YY1: variants seen among roughly 807,000 people sequenced by gnomAD.
YY1 encodes transcriptional repressor protein YY1.
In YY1, 2 loss-of-function variants were observed where a neutral mutation model predicts 35.6. The ratio of observed to expected loss-of-function variants is 0.06; its 90% CI spans 0.02 to 0.18. The LOEUF is 0.18. Ranked by LOEUF, YY1 falls within the 10% of genes least tolerant of loss-of-function variation. YY1 has a pLI of 1.00. For missense variants in YY1, 322 were observed against 573.4 expected, an observed-to-expected ratio of 0.56 and a Z score of 4.48; for synonymous variants, 268 against 238.9, an observed-to-expected ratio of 1.12 and a Z score of -1.12.
In YY1 at chr14:100,277,689, T is replaced by G; in HGVS notation, c.*89T>G. On this transcript the variant is annotated 3_prime_UTR_variant, in exon 5 of 5. Transcript: ENST00000262238. This position sits in a 1 kb window ranked among gnomAD's most constrained non-coding sequence, Gnocchi z 5.6. Reference sequence around the variant, plus strand: ...ATATGCCTCTCCTTTGTATATTATTTCTAGGAAGAATTTTAAAAATGAATC... The same window carrying G: ...ATATGCCTCTCCTTTGTATATTATTGCTAGGAAGAATTTTAAAAATGAATC... The G allele has an allele frequency of 7.1e-7, 1 of 1,402,230 alleles. No homozygotes were observed. Among genetic ancestry groups the G allele is most frequent in the Non-Finnish European group, 9.9e-7 (1 of 1,010,062 alleles). The allele number at this position is 1,402,230 out of a possible 1,614,324, so 86.9% of individuals were successfully genotyped here.
chr14:100,248,112 T>TTTCTTTTTC (rs1352283349), intron 1 of YY1, among the ~76,000 whole-genome samples: 56 of 93,676 alleles, frequency 6.0e-4, no homozygotes, highest in African/African-American at 2.9e-3. Context: ...GCCCGGCTAA[T>TTTCTTTTTC]TTTTTTTTCT....
At position 100,246,449 on chromosome 14, in the gene YY1, C is replaced by T. The variant is rs377108371; in HGVS notation, c.679+6526C>T. 6.6e-5 allele frequency among the ~76,000 whole-genome samples: 10 copies of T among 152,320 alleles called. No individual in the cohort carries two copies. In the East Asian group the frequency reaches 1.7e-3, roughly 26 times the overall value. ...TGGCCTCATGCTCCGGGTAGAGAAC[C>T]CTTGTTTGGACCTTGTGGGGATGTG... On this transcript the variant is annotated intron_variant, in intron 1 of 4. Transcript: ENST00000262238.
intron 2 of YY1, among the ~76,000 whole-genome samples, chr14:100,267,373 A>T (rs1891170572): frequency 6.6e-6 from 1 of 152,234 alleles, no homozygotes; most frequent in Admixed American, 6.5e-5. Flanking sequence ...GAATGTAAAT[A>T]GCATTTCTTT....
At chr14:100,273,874 A>G (rs967797563) in intron 2 of YY1, among the ~76,000 whole-genome samples, 6 of 152,144 alleles carry the variant, frequency 3.9e-5, no homozygotes, top group Admixed American at 1.3e-4. Context: ...TTCAGTGGAG[A>G]AGCAGGTAGG....
intron 2 of YY1, among the ~76,000 whole-genome samples, chr14:100,270,609 T>C (rs1891223760): frequency 6.6e-6 from 1 of 150,924 alleles, no homozygotes; most frequent in Non-Finnish European, 1.5e-5. Context: ...GGCAAAAGAG[T>C]GAAACTCCAT....
rs1891326525 is a variant in YY1, at chr14:100,276,836, A to G, written c.1062+188A>G. ...GCCGGGGCTCTGGACATCCTTGTCTATACTCTGTGGTACTGGGTACGCAAT... is the reference window on the plus strand; with the variant it reads ...GCCGGGGCTCTGGACATCCTTGTCTGTACTCTGTGGTACTGGGTACGCAAT... On this transcript the variant is annotated intron_variant, in intron 4 of 4. Coordinates refer to ENST00000262238, the MANE Select transcript of YY1 (RefSeq NM_003403.5). The surrounding 1 kb of genome is among the most constrained non-coding windows in gnomAD (Gnocchi z 4.1). 1 of 736,246 alleles carries G rather than the reference A, an allele frequency of 1.4e-6. No homozygotes were observed. The highest frequency in any genetic ancestry group is 2.3e-6 in the Non-Finnish European group (1 of 444,440). 45.6% of individuals were successfully genotyped at this position (736,246 alleles called of 1,614,324 possible). A position where few individuals can be genotyped will look rare whatever the true frequency, so the allele number is the denominator to read the frequency against.
In YY1 at chr14:100,239,583, G is replaced by GGGC. The variant is rs780589022; in HGVS notation, c.344_346dup (p.Gly115dup). 6.2e-7 allele frequency: 1 copy of GGGC among 1,612,672 alleles called. No homozygotes were observed. Among genetic ancestry groups the GGGC allele is most frequent in the Admixed American group, 1.7e-5 (1 of 59,992 alleles). On this transcript the variant is annotated inframe_insertion, in exon 1 of 5. Transcript: ENST00000262238. ...TGGTGCAGACGCGCGAGGAGGTGGTGGGCGGCGACGACTCGGACGGGCTGC... is the reference window on the plus strand; with the variant it reads ...TGGTGCAGACGCGCGAGGAGGTGGTGGGCGGCGGCGACGACTCGGACGGGCTGC...
chr14:100,270,490 G>A (rs1429568300), intron 2 of YY1, among the ~76,000 whole-genome samples: 3 of 149,916 alleles, frequency 2.0e-5, no homozygotes, highest in East Asian at 3.9e-4. Flanking sequence ...AGGCATGGTG[G>A]CACGCGCCTG....
intron 1 of YY1, 23 bp downstream of exon 1, chr14:100,239,946 G>A: frequency 6.6e-7 from 1 of 1,511,450 alleles, no homozygotes; most frequent in Non-Finnish European, 8.8e-7. Flanking sequence ...CGCGCGCCCC[G>A]GCCCCGGGAT....
intron 1 of YY1, among the ~76,000 whole-genome samples, chr14:100,246,730 C>T (rs750214275): frequency 1.3e-4 from 20 of 152,094 alleles, no homozygotes; most frequent in Non-Finnish European, 2.5e-4. Context: ...TAGTCATGAC[C>T]GTTTGCCATT....
chr14:100,271,849 G>T (rs1891243057), intron 2 of YY1, among the ~76,000 whole-genome samples: 1 of 151,948 alleles, frequency 6.6e-6, no homozygotes, highest in Non-Finnish European at 1.5e-5. Flanking sequence ...TTGCTTTCTT[G>T]CCCAGGCTGT....
Position 100,276,769 on chromosome 14 carries a change from G to T in YY1, c.1062+121G>T. ...AGACTCAGGGTCTTATTACTCCTTG[G>T]TGAGAAACAAAACTTCTCCTGGGGA... is the stretch of plus-strand genomic sequence containing the variant. On this transcript the variant is annotated intron_variant, in intron 4 of 4. Transcript: ENST00000262238. The surrounding 1 kb of genome is among the most constrained non-coding windows in gnomAD (Gnocchi z 4.1). The T allele has an allele frequency of 6.7e-7, 1 of 1,483,508 alleles. No homozygotes were observed. The highest frequency in any genetic ancestry group is 9.2e-7 in the Non-Finnish European group (1 of 1,082,290). The allele number at this position is 1,483,508 out of a possible 1,614,324, so 91.9% of individuals were successfully genotyped here.
intron 1 of YY1, among the ~76,000 whole-genome samples, chr14:100,252,878 G>GA (rs374460768): frequency 6.2e-4 from 93 of 149,866 alleles, no homozygotes; most frequent in Middle Eastern, 6.8e-3. Context: ...TCTCTACCAG[G>GA]AAAAAAAAAA....
chr14:100,241,596 C>T (rs78610745), intron 1 of YY1, among the ~76,000 whole-genome samples: 6,941 of 152,216 alleles, frequency 0.046, 215 homozygotes, highest in Middle Eastern at 0.071. Flanking sequence ...AACATGAATA[C>T]TTTAGTACTT....
intron 1 of YY1, among the ~76,000 whole-genome samples, chr14:100,252,261 G>T (rs941109540): frequency 2.0e-5 from 3 of 152,140 alleles, no homozygotes; most frequent in Admixed American, 2.0e-4. Context: ...TCAGTCTTAT[G>T]CTTTGCTCCT....
chr14:100,245,731 C>T (rs1288027311), intron 1 of YY1, among the ~76,000 whole-genome samples: 2 of 151,870 alleles, frequency 1.3e-5, no homozygotes, highest in African/African-American at 4.8e-5. Flanking sequence ...CTCAGCCTCC[C>T]GAGTAACTGG....
chr14:100,262,235 G>A (rs1891095151), intron 1 of YY1, 69 bp from the exon 2 acceptor site: 1 of 1,564,510 alleles, frequency 6.4e-7, no homozygotes, highest in Admixed American at 1.7e-5. Flanking sequence ...GAAGTTACTG[G>A]TGAAAGCAGT....
intron 1 of YY1, among the ~76,000 whole-genome samples, chr14:100,256,711 A>T (rs1227863359): frequency 1.3e-5 from 2 of 152,196 alleles, no homozygotes; most frequent in African/African-American, 4.8e-5. Context: ...TTCTTGCATA[A>T]TGGGTATAGA....
chr14:100,261,218 C>T (rs777947670), intron 1 of YY1, among the ~76,000 whole-genome samples: 1 of 152,034 alleles, frequency 6.6e-6, no homozygotes, highest in Non-Finnish European at 1.5e-5. Flanking sequence ...GAGACAGACT[C>T]TCACTCTGTC....
Sources: gnomAD v4.1 joint callset for allele counts (sites outside exome capture counted in the v4.1 genomes callset) on GRCh38, gnomAD v4.1.1 for gene constraint, Gnocchi (gnomAD v3.1) non-coding constraint, MANE v1.5 for transcripts, NCBI Gene and HGNC (gene_info 2026-07-23, HGNC 2026-07-21) for gene names.